Variants in SDK1 observed in about 807,000 individuals in gnomAD.
SDK1 encodes sidekick cell adhesion molecule 1, also known as protein sidekick-1.
In SDK1, 157 loss-of-function variants were observed where a neutral mutation model predicts 245.5. That is an observed-to-expected ratio of 0.64 (90% CI 0.56 to 0.73). The LOEUF (loss-of-function observed/expected upper bound fraction) is 0.73, where lower values mean the gene tolerates loss of function less well. SDK1 is among the 30% of genes least tolerant of loss of function. SDK1 has a pLI of 0.00. For synonymous variants in SDK1, 1,647 were observed against 1,278.5 expected (o/e 1.29, Z -6.15); for missense variants, 3,583 against 3,002.3 (o/e 1.19, Z -4.52).
intron 40 of SDK1, among the ~76,000 whole-genome samples, chr7:4,225,715 A>G (rs1211495570): frequency 6.6e-6 from 1 of 152,058 alleles, no homozygotes; most frequent in Non-Finnish European, 1.5e-5. Flanking sequence ...CTTGCCTAAC[A>G]TGGAGAAGCT....
chr7:3,650,813 C>A (rs767312564), intron 4 of SDK1, among the ~76,000 whole-genome samples: 1 of 140,882 alleles, frequency 7.1e-6, no homozygotes, highest in Non-Finnish European at 1.5e-5. Context: ...AGTATGTGAC[C>A]TGTGGGGATT....
chr7:3,993,083 C>T (rs568118580), intron 14 of SDK1, among the ~76,000 whole-genome samples: 8 of 152,322 alleles, frequency 5.3e-5, no homozygotes, highest in South Asian at 2.1e-4. Context: ...TTGATTCTAT[C>T]GTTGCATTAG....
intron 35 of SDK1, among the ~76,000 whole-genome samples, chr7:4,179,558 A>T (rs1314232875): frequency 6.6e-6 from 1 of 152,108 alleles, no homozygotes; most frequent in Non-Finnish European, 1.5e-5. Flanking sequence ...TTGCATACAA[A>T]TGAGGATGCG....
intron 17 of SDK1, among the ~76,000 whole-genome samples, chr7:4,030,690 C>A (rs1787742891): frequency 6.6e-6 from 1 of 152,220 alleles, no homozygotes; most frequent in Non-Finnish European, 1.5e-5. Flanking sequence ...ATAACAAAAC[C>A]ATGATGCTGA....
chr7:3,630,522 G>C (rs1023599159), intron 2 of SDK1, among the ~76,000 whole-genome samples: 1 of 152,194 alleles, frequency 6.6e-6, no homozygotes, highest in East Asian at 1.9e-4. Flanking sequence ...TATAATCCCA[G>C]TTAGTTGGGA....
intron 4 of SDK1, among the ~76,000 whole-genome samples, chr7:3,649,531 A>C (rs1343226313): frequency 1.3e-5 from 2 of 152,034 alleles, no homozygotes; most frequent in African/African-American, 4.8e-5. Flanking sequence ...TCCTTTTTCT[A>C]GCTTCATTCA....
intron 4 of SDK1, among the ~76,000 whole-genome samples, chr7:3,655,548 A>G (rs1783156329): frequency 1.5e-5 from 2 of 133,364 alleles, no homozygotes; most frequent in South Asian, 2.4e-4. Flanking sequence ...TATCTTTCCT[A>G]TGGCTGTCTT....
chr7:3,413,747 C>G (rs2340846), intron 1 of SDK1, among the ~76,000 whole-genome samples: 115,509 of 152,086 alleles, frequency 0.76, 44,147 homozygotes, highest in South Asian at 0.85. Context: ...CTGCACTTTG[C>G]GAGGCCATGG....
intron 4 of SDK1, among the ~76,000 whole-genome samples, chr7:3,691,998 C>T (rs753758581): frequency 1.3e-5 from 2 of 152,122 alleles, no homozygotes; most frequent in Non-Finnish European, 2.9e-5. Flanking sequence ...TTTGCTTACT[C>T]ATTCATGAGT....
At chr7:3,744,534 A>G (rs2115056547) in intron 4 of SDK1, among the ~76,000 whole-genome samples, 1 of 152,288 alleles carries the variant, frequency 6.6e-6, no homozygotes, top group Admixed American at 6.5e-5. Context: ...AAGACAGGCC[A>G]GGCATGGTGG....
chr7:3,877,057 C>T (rs1170925753), intron 5 of SDK1, among the ~76,000 whole-genome samples: 1 of 152,168 alleles, frequency 6.6e-6, no homozygotes, highest in Non-Finnish European at 1.5e-5. Context: ...GTGACGTGGG[C>T]ATAGTTGAAA....
intron 29 of SDK1, among the ~76,000 whole-genome samples, chr7:4,148,220 C>G (rs1260314940): frequency 6.6e-6 from 1 of 152,324 alleles, no homozygotes; most frequent in East Asian, 1.9e-4. Flanking sequence ...TGAAGTGAGA[C>G]GGGAGCCCTC....
chr7:3,892,003 T>G (rs1017282894), intron 5 of SDK1, among the ~76,000 whole-genome samples: 4 of 152,182 alleles, frequency 2.6e-5, no homozygotes, highest in Non-Finnish European at 5.9e-5. Flanking sequence ...CAAGTTTAGT[T>G]AGGCCAATTT....
At chr7:3,591,222 G>C (rs989075005) in intron 1 of SDK1, among the ~76,000 whole-genome samples, 2 of 152,140 alleles carry the variant, frequency 1.3e-5, no homozygotes, top group African/African-American at 4.8e-5. Context: ...GTGTCAGATG[G>C]CAGTTAGTAT....
intron 1 of SDK1, among the ~76,000 whole-genome samples, chr7:3,595,874 G>T (rs1288390288): frequency 1.4e-5 from 2 of 142,514 alleles, no homozygotes; most frequent in Admixed American, 7.0e-5. Flanking sequence ...AAAAAAGGAG[G>T]TTACAGTCTG....
intron 37 of SDK1, among the ~76,000 whole-genome samples, chr7:4,209,762 C>A (rs1223038344): frequency 6.6e-6 from 1 of 152,138 alleles, no homozygotes; most frequent in Non-Finnish European, 1.5e-5. Context: ...CATTTTTATG[C>A]CTTTGCCGTT....
intron 1 of SDK1, among the ~76,000 whole-genome samples, chr7:3,396,470 A>G (rs978397433): frequency 1.3e-5 from 2 of 151,790 alleles, no homozygotes; most frequent in African/African-American, 2.4e-5. Context: ...TCTATTCATT[A>G]TTGAAAATTG....
chr7:4,265,349 C>T lies in SDK1; in HGVS notation c.6607C>T (p.Arg2203Ter). The change falls in exon 45 of 45, where the codon CGA becomes TGA. Residue 2203 changes from arginine (R) to a stop codon, truncating the protein, a stop_gained. Transcript: ENST00000404826. LOFTEE classifies it high-confidence loss of function. ...CTACACCCCCGCTGGCCCCGGCGCG[C>T]GAACTCCGCTCACCGGCTTCTCCTC... ...GVYTPAGPGA[R>*]TPLTGFSSFV The T allele has an allele frequency of 6.8e-7, 1 of 1,460,778 alleles. No individual in the cohort carries two copies. Among genetic ancestry groups the T allele is most frequent in the South Asian group, 1.4e-5 (1 of 70,216 alleles). 90.5% of individuals were successfully genotyped at this position (1,460,778 alleles called of 1,614,324 possible). A position where few individuals can be genotyped will look rare whatever the true frequency, so the allele number is the denominator to read the frequency against.
intron 4 of SDK1, among the ~76,000 whole-genome samples, chr7:3,690,219 G>C (rs1027348292): frequency 1.3e-5 from 2 of 152,062 alleles, no homozygotes; most frequent in Admixed American, 6.6e-5. Flanking sequence ...ATGTTTCCAG[G>C]GCTTGCTAGT....
Sources: gnomAD v4.1 joint callset for allele counts (sites outside exome capture counted in the v4.1 genomes callset) on GRCh38, gnomAD v4.1.1 for gene constraint, MANE v1.5 for transcripts, NCBI Gene and HGNC (gene_info 2026-07-23, HGNC 2026-07-21) for gene names.